The following PRKCH variants were observed in gnomAD, a reference collection of about 807,000 sequenced individuals.
PRKCH encodes protein kinase C eta type.
Under a neutral mutation model 82.5 loss-of-function variants are expected in PRKCH, and 28 were observed. The observed-to-expected ratio is 0.34, with a 90% confidence interval of 0.25 to 0.47. The LOEUF is 0.47. PRKCH is among the 20% of genes least tolerant of loss of function. The pLI is 1.00. For missense variants in PRKCH, 705 were observed against 881.8 expected, an observed-to-expected ratio of 0.80 and a Z score of 2.54; for synonymous variants, 322 against 327.4, an observed-to-expected ratio of 0.98 and a Z score of 0.18.
rs374080557 is a variant in PRKCH, at chr14:61,530,378, C to T, written c.1573-29C>T. The T allele has an allele frequency of 6.1e-6, 9 of 1,478,050 alleles. No individual in the cohort carries two copies. The South Asian group carries it at 1.3e-4, about 22-fold the overall frequency. 91.6% of individuals were successfully genotyped at this position (1,478,050 alleles called of 1,614,324 possible). ...ACATTTGTTAATCTGATGTATGAAC[C>T]ACCTTCTCACGCTGCCCCCTTTGCA... On this transcript the variant is annotated intron_variant, in intron 11 of 13. Transcript: ENST00000332981.
Position 61,466,520 on chromosome 14 carries a change from G to T in PRKCH, c.1278+8841G>T, listed in dbSNP as rs1476475014. Among the ~76,000 whole-genome samples, 3 of 152,268 alleles carry T rather than the reference G, an allele frequency of 2.0e-5. No homozygotes were observed. The South Asian group carries it at 6.2e-4, about 32-fold the overall frequency. ...AAAGACTAGGGGGTGAGGGATGGAG[G>T]GGGGCTATCACAGGAAGGGGGAGCA... On this transcript the variant is annotated intron_variant, in intron 9 of 13. Transcript: ENST00000332981.
chr14:61,442,185 A>G (rs1473505984), intron 2 of PRKCH, among the ~76,000 whole-genome samples: 1 of 152,222 alleles, frequency 6.6e-6, no homozygotes, highest in Admixed American at 6.5e-5. Context: ...AAGTCTCTGC[A>G]TACACTAGAA....
intron 10 of PRKCH, among the ~76,000 whole-genome samples, chr14:61,493,964 A>G (rs1886559654): frequency 6.6e-6 from 1 of 152,070 alleles, no homozygotes. Context: ...GTGTTTAGCT[A>G]GAAGGTTGAG....
chr14:61,281,212 T>C (rs1259329428), intron 1 of PRKCH: 2 of 1,063,014 alleles, frequency 1.9e-6, no homozygotes, highest in Non-Finnish European at 2.4e-6. Context: ...GGCGCCTCCC[T>C]CTCCGCGCCG....
chr14:61,318,536 C>T (rs889418339), upstream of PRKCH, among the ~76,000 whole-genome samples: 9 of 151,980 alleles, frequency 5.9e-5, no homozygotes, highest in Non-Finnish European at 8.8e-5. Context: ...TAATAGCTCC[C>T]TAGTCCACAC....
At chr14:61,486,691 T>C in intron 10 of PRKCH, among the ~76,000 whole-genome samples, 1 of 152,180 alleles carries the variant, frequency 6.6e-6, no homozygotes, top group Admixed American at 6.5e-5. Context: ...TTTCTTTTTT[T>C]TTTTTTAAGA....
intron 12 of PRKCH, among the ~76,000 whole-genome samples, chr14:61,542,769 G>C (rs936677528): frequency 6.6e-5 from 10 of 152,116 alleles, no homozygotes; most frequent in South Asian, 2.1e-4. Context: ...GTCCCATTAG[G>C]GACATAAGCA....
chr14:61,527,302 ACC>A (rs988789565), intron 10 of PRKCH, among the ~76,000 whole-genome samples: 10 of 152,124 alleles, frequency 6.6e-5, no homozygotes, highest in African/African-American at 1.2e-4. Context: ...CACCTGGGGT[ACC>A]CACAAACAAA....
Position 61,497,883 on chromosome 14 carries a change from G to A in PRKCH, c.1433+12227G>A, listed in dbSNP as rs553810382. ...CTCTCTGTAGAGAAAAGTAATTACA[G>A]GAGGATAAACACCAGCACATCAACA... On this transcript the variant is annotated intron_variant, in intron 10 of 13. Coordinates refer to ENST00000332981, the MANE Select transcript of PRKCH (RefSeq NM_006255.5). 2.0e-5 allele frequency among the ~76,000 whole-genome samples: 3 copies of A among 152,244 alleles called. No individual in the cohort carries two copies. The East Asian group carries it at 5.8e-4, about 29-fold the overall frequency.
chr14:61,259,598 A>G (rs1380110983), intron 1 of PRKCH, among the ~76,000 whole-genome samples: 1 of 152,208 alleles, frequency 6.6e-6, no homozygotes, highest in Admixed American at 6.5e-5. Context: ...TTAAACAAGC[A>G]TCTCTGCTAA....
At chr14:61,492,380 G>A (rs1448397160) in intron 10 of PRKCH, 1 of 152,218 alleles carries the variant, frequency 6.6e-6, no homozygotes, top group East Asian at 1.9e-4. Context: ...TAGAGCCAGA[G>A]GAGACCTCAA....
chr14:61,434,369 A>G (rs1330324761), intron 2 of PRKCH, among the ~76,000 whole-genome samples: 1 of 152,178 alleles, frequency 6.6e-6, no homozygotes, highest in Non-Finnish European at 1.5e-5. Context: ...TCATCCTGAA[A>G]CCGAGCAGTG....
At chr14:61,453,473 T>A in intron 7 of PRKCH, 120 bp downstream of exon 7, 1 of 998,768 alleles carries the variant, frequency 1.0e-6, no homozygotes, top group Non-Finnish European at 1.4e-6. Flanking sequence ...ATAAACAGAC[T>A]TATTGCCTTT....
At chr14:61,440,271 T>TC (rs1883894354) in intron 2 of PRKCH, among the ~76,000 whole-genome samples, 1 of 152,226 alleles carries the variant, frequency 6.6e-6, no homozygotes, top group Non-Finnish European at 1.5e-5. Context: ...CTTTTGTTCT[T>TC]CCGCAGTCCT....
intron 12 of PRKCH, among the ~76,000 whole-genome samples, chr14:61,534,763 AC>A (rs1297435478): frequency 6.6e-6 from 1 of 152,226 alleles, no homozygotes; most frequent in Non-Finnish European, 1.5e-5. Context: ...TGGAAAGAAC[AC>A]ACCCTAGACC....
chr14:61,188,254 G>T (rs1307515434), intron 1 of PRKCH, among the ~76,000 whole-genome samples: 1 of 152,224 alleles, frequency 6.6e-6, no homozygotes, highest in Non-Finnish European at 1.5e-5. Flanking sequence ...GCAGGTTAAG[G>T]AAAGAGGGCA....
intron 1 of PRKCH, among the ~76,000 whole-genome samples, chr14:61,242,427 T>C (rs7149331): frequency 0.18 from 27,128 of 152,178 alleles, 2,648 homozygotes; most frequent in African/African-American, 0.24. Flanking sequence ...TGAGACAGAG[T>C]CTCACTGTCG....
chr14:61,211,275 C>T (rs916034426), intron 1 of PRKCH, among the ~76,000 whole-genome samples: 6 of 152,338 alleles, frequency 3.9e-5, no homozygotes, highest in African/African-American at 1.2e-4. Context: ...ACAGTGACAG[C>T]GTGCACAGTG....
intron 1 of PRKCH, among the ~76,000 whole-genome samples, chr14:61,387,979 C>G (rs2046613781): frequency 6.6e-6 from 1 of 152,076 alleles, no homozygotes; most frequent in Admixed American, 6.5e-5. Context: ...GAAACCCCAT[C>G]TCTACTAAAA....
Sources: gnomAD v4.1 joint callset for allele counts (sites outside exome capture counted in the v4.1 genomes callset) on GRCh38, gnomAD v4.1.1 for gene constraint, MANE v1.5 for transcripts, NCBI Gene and HGNC (gene_info 2026-07-23, HGNC 2026-07-21) for gene names.